EXOC6B: variants seen among roughly 807,000 people sequenced by gnomAD.
EXOC6B encodes the protein SEC15 homolog B.
EXOC6B carries 54 observed loss-of-function variants against 113.5 expected under a neutral mutation model. The ratio of observed to expected loss-of-function variants is 0.48; its 90% CI spans 0.38 to 0.60. EXOC6B has a LOEUF of 0.60. EXOC6B is among the 20% of genes least tolerant of loss of function. The probability of loss-of-function intolerance (pLI) is 0.00; values close to 1 mark genes in which losing one functional copy is unlikely to be tolerated. For synonymous variants in EXOC6B, 357 were observed against 339.0 expected (o/e 1.05, Z -0.58); for missense variants, 797 against 977.5 (o/e 0.82, Z 2.46).
intron 1 of EXOC6B, among the ~76,000 whole-genome samples, chr2:72,771,511 T>A (rs1344976794): frequency 6.6e-6 from 1 of 152,188 alleles, no homozygotes; most frequent in Non-Finnish European, 1.5e-5. Flanking sequence ...ACAGTCCAAA[T>A]TCCAATTTTG....
chr2:72,806,720 C>T (rs746649911), intron 1 of EXOC6B, among the ~76,000 whole-genome samples: 1 of 129,600 alleles, frequency 7.7e-6, no homozygotes, highest in Non-Finnish European at 1.6e-5. Flanking sequence ...TTAATAACAG[C>T]CAATCTGAGT....
At chr2:72,395,646 G>A (rs1692680761) in intron 18 of EXOC6B, among the ~76,000 whole-genome samples, 1 of 152,076 alleles carries the variant, frequency 6.6e-6, no homozygotes, top group African/African-American at 2.4e-5. Flanking sequence ...AACAAGATAG[G>A]ACTAAAAAGG....
chr2:72,510,289 A>G (rs775092804), intron 11 of EXOC6B, among the ~76,000 whole-genome samples: 9 of 152,154 alleles, frequency 5.9e-5, no homozygotes, highest in Non-Finnish European at 1.2e-4. Context: ...AAATAGTTCA[A>G]TAGTTTGGGA....
At position 72,611,205 on chromosome 2, in the gene EXOC6B, A is replaced by G. The variant is rs527300180; in HGVS notation, c.670-35537T>C. ...AGCAAAACCGCGTCTCTACTAAAAA[A>G]TACAAAAAATTAGCCGGGCATGGTG... On this transcript the variant is annotated intron_variant, in intron 6 of 21. Transcript: ENST00000272427. Among the ~76,000 whole-genome samples, 3 of 152,302 alleles carry G rather than the reference A, an allele frequency of 2.0e-5. No individual in the cohort carries two copies. The East Asian group carries it at 5.8e-4, about 29-fold the overall frequency.
chr2:72,528,345 T>A (rs4428033), intron 8 of EXOC6B, among the ~76,000 whole-genome samples: 3,236 of 152,180 alleles, frequency 0.021, 131 homozygotes, highest in African/African-American at 0.073. Context: ...TATTTTTGTC[T>A]AATATTTTTG....
At chr2:72,611,783 A>C (rs1021496312) in intron 6 of EXOC6B, among the ~76,000 whole-genome samples, 4 of 152,202 alleles carry the variant, frequency 2.6e-5, no homozygotes, top group Admixed American at 1.3e-4. Flanking sequence ...CAACTACATC[A>C]TGGGACATAG....
intron 1 of EXOC6B, among the ~76,000 whole-genome samples, chr2:72,745,137 G>A (rs1681610268): frequency 6.6e-6 from 1 of 152,122 alleles, no homozygotes; most frequent in African/African-American, 2.4e-5. Context: ...TTGTAGAATA[G>A]TATAAATAGG....
chr2:72,504,906 T>C (rs1700516311), intron 11 of EXOC6B, among the ~76,000 whole-genome samples: 1 of 152,154 alleles, frequency 6.6e-6, no homozygotes. Context: ...ATTCCTTCTT[T>C]GGTAAACTGT....
intron 20 of EXOC6B, among the ~76,000 whole-genome samples, chr2:72,189,170 G>C: frequency 6.6e-6 from 1 of 152,198 alleles, no homozygotes; most frequent in East Asian, 1.9e-4. Context: ...TTTTAGGATT[G>C]AGTATTATGT....
intron 6 of EXOC6B, among the ~76,000 whole-genome samples, chr2:72,668,053 G>A (rs1475382958): frequency 2.0e-5 from 3 of 152,134 alleles, no homozygotes; most frequent in African/African-American, 7.2e-5. Flanking sequence ...AGTGGGCAAA[G>A]GACATGAACA....
Position 72,658,281 on chromosome 2 carries a change from A to C in EXOC6B, c.669+59822T>G, listed in dbSNP as rs1380087021. ...AAAAACTAGGGGAAAAAAACTAAAAACTAGTAAAAAAAAAAAAAAAAAAAA... is the reference window on the plus strand; with the variant it reads ...AAAAACTAGGGGAAAAAAACTAAAACCTAGTAAAAAAAAAAAAAAAAAAAA... On this transcript the variant is annotated intron_variant, in intron 6 of 21. Transcript: ENST00000272427. Among the ~76,000 whole-genome samples, 2 of 111,314 alleles carry C rather than the reference A, an allele frequency of 1.8e-5. 1 individual carries two copies. Among genetic ancestry groups the C allele is most frequent in the African/African-American group, 6.8e-5 (2 of 29,434 alleles). The allele number at this position is 111,314 out of a possible 152,430, so 73.0% of individuals were successfully genotyped here.
Position 72,696,859 on chromosome 2 carries a change from G to C in EXOC6B, c.669+21244C>G, listed in dbSNP as rs1677918806. On this transcript the variant is annotated intron_variant, in intron 6 of 21. Coordinates refer to ENST00000272427, the MANE Select transcript of EXOC6B (RefSeq NM_015189.3). ...GTATTGTTTTAAGCCATTAAGTTTGGGGTGGTTTGTTACACAGCAATGAAT... is the reference window on the plus strand; with the variant it reads ...GTATTGTTTTAAGCCATTAAGTTTGCGGTGGTTTGTTACACAGCAATGAAT... Among the ~76,000 whole-genome samples, 3 of 152,062 alleles carry C rather than the reference G, an allele frequency of 2.0e-5. No homozygotes were observed. The South Asian group carries it at 6.2e-4, about 31-fold the overall frequency.
chr2:72,449,206 G>A (rs975189127), intron 18 of EXOC6B, among the ~76,000 whole-genome samples: 1 of 150,692 alleles, frequency 6.6e-6, no homozygotes, highest in Non-Finnish European at 1.5e-5. Flanking sequence ...TTTTTGAGAC[G>A]GAGTCTCGCT....
intron 5 of EXOC6B, among the ~76,000 whole-genome samples, chr2:72,730,779 T>C (rs1680589651): frequency 1.3e-5 from 2 of 152,078 alleles, no homozygotes; most frequent in South Asian, 4.2e-4. Flanking sequence ...ACTGGGTCTT[T>C]TAAAAATCTA....
intron 20 of EXOC6B, among the ~76,000 whole-genome samples, chr2:72,294,343 A>G (rs1685991750): frequency 6.6e-6 from 1 of 152,012 alleles, no homozygotes. Context: ...TTGATTTTTT[A>G]CAACAGAAGC....
chr2:72,765,988 T>C (rs940721151), intron 1 of EXOC6B, among the ~76,000 whole-genome samples: 1 of 152,220 alleles, frequency 6.6e-6, no homozygotes, highest in African/African-American at 2.4e-5. Context: ...AGCACTGTTA[T>C]TATTTTCTCA....
chr2:72,237,270 T>C (rs763636175), intron 20 of EXOC6B, among the ~76,000 whole-genome samples: 10 of 152,218 alleles, frequency 6.6e-5, no homozygotes, highest in Non-Finnish European at 1.3e-4. Context: ...GCAAGGCATG[T>C]GTGCTGTGTG....
intron 6 of EXOC6B, among the ~76,000 whole-genome samples, chr2:72,669,574 C>G (rs1675644376): frequency 6.6e-6 from 1 of 152,136 alleles, no homozygotes; most frequent in Non-Finnish European, 1.5e-5. Context: ...AGTATCCTTT[C>G]CTAATTATTC....
rs1444293665 is a variant in EXOC6B, at chr2:72,179,296, G to A, written c.*39C>T. 32 of 1,544,952 alleles carry A rather than the reference G, an allele frequency of 2.1e-5. No homozygotes were observed. Among genetic ancestry groups the A allele is most frequent in the Non-Finnish European group, 2.8e-5 (32 of 1,144,990 alleles). On this transcript the variant is annotated 3_prime_UTR_variant, in exon 22 of 22. Transcript: ENST00000272427. Reference sequence around the variant, plus strand: ...GGGCTGGACCCCAGACTGACACAGAGGCTGCAGCAGGTCGCCTCTGTGGGT... The same window carrying A: ...GGGCTGGACCCCAGACTGACACAGAAGCTGCAGCAGGTCGCCTCTGTGGGT...
Sources: allele counts gnomAD v4.1 joint callset (sites outside exome capture counted in the v4.1 genomes callset), GRCh38; gene constraint gnomAD v4.1.1; transcripts MANE v1.5; gene names NCBI Gene and HGNC (gene_info 2026-07-23, HGNC 2026-07-21).